The following PPP2R5B variants were observed in gnomAD, a reference collection of about 807,000 sequenced individuals.
PPP2R5B encodes serine/threonine-protein phosphatase 2A 56 kDa regulatory subunit beta isoform.
In PPP2R5B, 19 loss-of-function variants were observed where a neutral mutation model predicts 59.9. The ratio of observed to expected loss-of-function variants is 0.32; its 90% CI spans 0.22 to 0.47. The LOEUF is 0.47. Among genes scored for constraint, PPP2R5B ranks in the 20% least tolerant of loss-of-function variants. PPP2R5B has a pLI of 1.00. For missense variants in PPP2R5B, 441 were observed against 640.2 expected (o/e 0.69, Z 3.36); for synonymous variants, 286 against 260.5 (o/e 1.10, Z -0.94).
chr11:64,925,793 C>T lies in PPP2R5B; in HGVS notation c.59C>T (p.Ser20Leu), dbSNP rs1166883378. 7.7e-6 allele frequency: 12 copies of T among 1,551,846 alleles called. No homozygotes were observed. The highest frequency in any genetic ancestry group is 5.6e-5 in the South Asian group (5 of 88,608). ...TPTSPSSPGL[S>L]PVPPPDKVDG... ...ACTAGCCCCTCCTCCCCCGGGCTGT[C>T]GCCTGTGCCCCCACCCGACAAGGTG... Residue 20 changes from serine (S) to leucine (L), a missense_variant, in exon 2 of 14, where the codon TCG becomes TTG. Around this residue, in one of 3 missense-constraint regions of PPP2R5B, gnomAD observed 103 missense variants for 87.9 expected, o/e 1.17. Coordinates refer to ENST00000164133, the MANE Select transcript of PPP2R5B (RefSeq NM_006244.4). This position sits in a 1 kb window ranked among gnomAD's most constrained non-coding sequence, Gnocchi z 4.6.
chr11:64,922,693 T>C (rs1387639673), upstream of PPP2R5B, among the ~76,000 whole-genome samples: 1 of 151,722 alleles, frequency 6.6e-6, no homozygotes, highest in African/African-American at 2.4e-5. Flanking sequence ...GCTAACACGG[T>C]GAAACCCCGT....
chr11:64,930,423 A>T (rs1945216024), intron 7 of PPP2R5B, 42 bp downstream of exon 7: 1 of 1,613,662 alleles, frequency 6.2e-7, no homozygotes, highest in East Asian at 2.2e-5. Flanking sequence ...GGATTCTGGA[A>T]GGAGGGACTG....
At chr11:64,927,384 G>C (rs1945179107) in intron 3 of PPP2R5B, among the ~76,000 whole-genome samples, 1 of 152,184 alleles carries the variant, frequency 6.6e-6, no homozygotes, top group Admixed American at 6.5e-5. Context: ...GGAATGAACT[G>C]CTTGCTGGGG....
chr11:64,933,940 G>A lies in PPP2R5B; in HGVS notation c.*96G>A. On this transcript the variant is annotated 3_prime_UTR_variant, in exon 14 of 14. Coordinates refer to ENST00000164133, the MANE Select transcript of PPP2R5B (RefSeq NM_006244.4). ...CCCAGAGAGAAACACACCTACCCCT[G>A]GCCTTGCCAGAGTGGCTTCTGAGGA... is the stretch of plus-strand genomic sequence containing the variant. The A allele has an allele frequency of 7.3e-7, 1 of 1,370,006 alleles. No homozygotes were observed. Among genetic ancestry groups the A allele is most frequent in the Non-Finnish European group, 9.5e-7 (1 of 1,048,806 alleles). 84.9% of individuals were successfully genotyped at this position (1,370,006 alleles called of 1,614,324 possible).
intron 1 of PPP2R5B, among the ~76,000 whole-genome samples, chr11:64,918,949 C>G (rs1041897994): frequency 1.3e-5 from 2 of 152,162 alleles, no homozygotes; most frequent in Non-Finnish European, 1.5e-5. Context: ...TCAGTTTTAT[C>G]CTATGTAACT....
At chr11:64,926,953 T>C (rs1333300813) in intron 3 of PPP2R5B, 45 bp downstream of exon 3, 1 of 1,590,538 alleles carries the variant, frequency 6.3e-7, no homozygotes, top group South Asian at 1.1e-5. Flanking sequence ...CGAGAGGGCG[T>C]GTGAGCCCCG....
In PPP2R5B at chr11:64,931,724, C is replaced by T. The variant is rs749881090; in HGVS notation, c.997-25C>T. The stretch of plus-strand genomic sequence containing the variant: ...GATGTGAGCTGCTGCCCCTCTGTCC[C>T]TACTCCCCTCCCCAACCCACCCAGG... On this transcript the variant is annotated intron_variant, in intron 10 of 13. Coordinates refer to ENST00000164133, the MANE Select transcript of PPP2R5B (RefSeq NM_006244.4). This position sits in a 1 kb window ranked among gnomAD's most constrained non-coding sequence, Gnocchi z 5.0. The T allele has an allele frequency of 1.9e-6, 3 of 1,614,088 alleles. No homozygotes were observed. The highest frequency in any genetic ancestry group is 2.5e-6 in the Non-Finnish European group (3 of 1,179,970).
chr11:64,927,092 G>A (rs961211616), intron 3 of PPP2R5B, among the ~76,000 whole-genome samples, 184 bp downstream of exon 3: 1 of 152,202 alleles, frequency 6.6e-6, no homozygotes, highest in African/African-American at 2.4e-5. Context: ...CCTGCCCCAC[G>A]TCCACACCTT....
At position 64,931,565 on chromosome 11, in the gene PPP2R5B, C is replaced by T. The variant is rs752477669; in HGVS notation, c.952C>T (p.Arg318Trp). ...CCTGTCTCATCTCCCACAGGTGATC[C>T]GGGGGCTGCTCAAATACTGGCCAAA... ...KDATLTEHVI[R>W]GLLKYWPKTC... Residue 318 changes from arginine (R) to tryptophan (W), a missense_variant, in exon 10 of 14, where the codon CGG (arginine) becomes TGG (tryptophan). This residue lies in a region of PPP2R5B where 268 missense variants were observed against 488.1 expected (regional missense o/e 0.55). Transcript: ENST00000164133. The surrounding 1 kb of genome is among the most constrained non-coding windows in gnomAD (Gnocchi z 5.0). The T allele has an allele frequency of 6.8e-6, 11 of 1,613,912 alleles. No individual in the cohort carries two copies. The Admixed American group carries it at 1.0e-4, about 15-fold the overall frequency.
Position 64,927,789 on chromosome 11 carries a change from C to T in PPP2R5B, c.397-13C>T. 6.4e-7 allele frequency: 1 copy of T among 1,568,228 alleles called. No individual in the cohort carries two copies. The highest frequency in any genetic ancestry group is 8.8e-7 in the Non-Finnish European group (1 of 1,138,594). ...AGGGCTTTTCCTTAATGAACCCCAA[C>T]TCTGCCACTCAGATCTCAGTGAATA... On this transcript the variant is annotated splice_polypyrimidine_tract_variant and intron_variant, in intron 3 of 13. Transcript: ENST00000164133.
chr11:64,931,730 C>T lies in PPP2R5B; in HGVS notation c.997-19C>T. 1.9e-6 allele frequency: 3 copies of T among 1,614,082 alleles called. No individual in the cohort carries two copies. The highest frequency in any genetic ancestry group is 8.5e-7 in the Non-Finnish European group (1 of 1,179,936). On this transcript the variant is annotated intron_variant, in intron 10 of 13. Transcript: ENST00000164133. This position sits in a 1 kb window ranked among gnomAD's most constrained non-coding sequence, Gnocchi z 5.0. ...AGCTGCTGCCCCTCTGTCCCTACTC[C>T]CCTCCCCAACCCACCCAGGTGATGT...
At position 64,928,285 on chromosome 11, in the gene PPP2R5B, G is replaced by T. The variant is rs781674628; in HGVS notation, c.592-10G>T. 55 of 1,613,402 alleles carry T rather than the reference G, an allele frequency of 3.4e-5. 1 individual carries two copies. Among genetic ancestry groups the T allele is most frequent in the Middle Eastern group, 1.6e-4 (1 of 6,084 alleles). On this transcript the variant is annotated splice_polypyrimidine_tract_variant and intron_variant, in intron 5 of 13. Coordinates refer to ENST00000164133, the MANE Select transcript of PPP2R5B (RefSeq NM_006244.4). The stretch of plus-strand genomic sequence containing the variant: ...GACCCTGACCCTGACCCTGACTCTG[G>T]TTCCCACAGCTCCTGGAGCTATTTG...
rs1382941140 is a variant in PPP2R5B at position 64,933,812 on chromosome 11, C to T, written c.1462C>T (p.Pro488Ser). ...GGAGGCCCCCCTCCAGCGGCTTACA[C>T]CCCAGGTGGCCGCCAGTGGGGGTCA... The part of the protein sequence containing the change: ...AKEAPLQRLT[P>S]QVAASGGQS The change falls in exon 14 of 14, where the codon CCC becomes TCC. Residue 488 changes from proline to serine, a missense_variant. Physicochemically the swap from Pro to Ser is moderately conservative, Grantham distance 74 (BLOSUM62 -1). Around this residue, in one of 3 missense-constraint regions of PPP2R5B, gnomAD observed 70 missense variants for 64.2 expected, o/e 1.09. Coordinates refer to ENST00000164133, the MANE Select transcript of PPP2R5B (RefSeq NM_006244.4). 4 of 1,549,564 alleles carry T rather than the reference C, an allele frequency of 2.6e-6. No homozygotes were observed. Among genetic ancestry groups the T allele is most frequent in the African/African-American group, 2.7e-5 (2 of 72,920 alleles).
rs1040505890 is a variant in PPP2R5B at position 64,924,755 on chromosome 11, C to A, written c.-538C>A. 5 of 152,298 alleles carry A rather than the reference C, an allele frequency of 3.3e-5. No homozygotes were observed. Among genetic ancestry groups the A allele is most frequent in the African/African-American group, 1.2e-4 (5 of 41,460 alleles). 9.4% of individuals were successfully genotyped at this position (152,298 alleles called of 1,614,324 possible). ...CGGAGCCGAGCCGGGGCTCCCGTTG[C>A]GCTGCACCGCGTTGGGTCGGAGTCC... On this transcript the variant is annotated 5_prime_UTR_variant, in exon 1 of 14. Transcript: ENST00000164133.
At chr11:64,932,955 G>A (rs557558650) in intron 12 of PPP2R5B, 63 bp downstream of exon 12, 59 of 1,597,108 alleles carry the variant, frequency 3.7e-5, no homozygotes, top group African/African-American at 5.4e-5. Context: ...GTCCAGACCC[G>A]ACCCCAGGGT....
At position 64,928,123 on chromosome 11, in the gene PPP2R5B, G is replaced by T; in HGVS notation, c.556G>T (p.Ala186Ser). The T allele has an allele frequency of 6.2e-7, 1 of 1,614,220 alleles. No individual in the cohort carries two copies. Among genetic ancestry groups the T allele is most frequent in the East Asian group, 2.2e-5 (1 of 44,886 alleles). Reference protein sequence around the residue: ...LESPDFQPSVAKRYVDQKFVL... With the variant: ...LESPDFQPSVSKRYVDQKFVL... ...GAGCCCAGACTTCCAGCCCTCCGTGGCCAAGAGATATGTGGATCAAAAGTT... is the reference window on the plus strand; with the variant it reads ...GAGCCCAGACTTCCAGCCCTCCGTGTCCAAGAGATATGTGGATCAAAAGTT... Residue 186 changes from alanine (A) to serine (S), a missense_variant, in exon 5 of 14, where the codon GCC (alanine) becomes TCC (serine). Physicochemically the swap from Ala to Ser is moderately conservative, Grantham distance 99 (BLOSUM62 1). This residue lies in a region of PPP2R5B where 268 missense variants were observed against 488.1 expected (regional missense o/e 0.55). Coordinates refer to ENST00000164133, the MANE Select transcript of PPP2R5B (RefSeq NM_006244.4).
At chr11:64,928,929 C>T (rs1165444144) in intron 6 of PPP2R5B, among the ~76,000 whole-genome samples, 1 of 151,620 alleles carries the variant, frequency 6.6e-6, no homozygotes, top group Non-Finnish European at 1.5e-5. Flanking sequence ...GATCATGCCA[C>T]TGCACTCCAG....
Position 64,925,775 on chromosome 11 carries a change from C to CAA in PPP2R5B, c.41_42insAA (p.Ser15ThrfsTer64). 6.3e-7 allele frequency: 1 copy of CAA among 1,590,532 alleles called. No individual in the cohort carries two copies. Among genetic ancestry groups the CAA allele is most frequent in the Non-Finnish European group, 8.6e-7 (1 of 1,165,790 alleles). On this transcript the variant is annotated frameshift_variant, in exon 2 of 14. Transcript: ENST00000164133. LOFTEE classifies it high-confidence loss of function. The surrounding 1 kb of genome is among the most constrained non-coding windows in gnomAD (Gnocchi z 4.6). ...CCCCCTGCAAGCACCCCCACTAGCCCCTCCTCCCCCGGGCTGTCGCCTGTG... is the reference window on the plus strand; with the variant it reads ...CCCCCTGCAAGCACCCCCACTAGCCCAACTCCTCCCCCGGGCTGTCGCCTGTG...
chr11:64,933,125 C>T lies in PPP2R5B; in HGVS notation c.1245-20C>T, dbSNP rs760529310. On this transcript the variant is annotated intron_variant, in intron 12 of 13. Coordinates refer to ENST00000164133, the MANE Select transcript of PPP2R5B (RefSeq NM_006244.4). ...AACCAAAGCTGTTTCATCTCCTCATCCCTCCTTGACACTGCCAAGAACCAT... is the reference window on the plus strand; with the variant it reads ...AACCAAAGCTGTTTCATCTCCTCATTCCTCCTTGACACTGCCAAGAACCAT... The T allele has an allele frequency of 5.0e-6, 8 of 1,585,214 alleles. No individual in the cohort carries two copies. The highest frequency in any genetic ancestry group is 1.7e-4 in the Middle Eastern group (1 of 6,034).
Sources: gnomAD v4.1 joint callset for allele counts (sites outside exome capture counted in the v4.1 genomes callset) on GRCh38, gnomAD v4.1.1 for gene constraint, gnomAD v4.1.1 regional missense constraint, Gnocchi (gnomAD v3.1) non-coding constraint, MANE v1.5 for transcripts, NCBI Gene and HGNC (gene_info 2026-07-23, HGNC 2026-07-21) for gene names.